The following BLTP3A variants were observed in gnomAD, a reference collection of about 807,000 sequenced individuals.
BLTP3A encodes bridge-like lipid transfer protein family member 3A, also known as ICBP90 binding protein 1.
At chr6:34,876,464 T>C in the BLTP3A span, 1 of 152,222 alleles carries the variant, frequency 6.6e-6, no homozygotes, top group Non-Finnish European at 1.5e-5. Flanking sequence ...GTTTGAAATA[T>C]TGCCATAGTA....
chr6:34,823,830 C>T, the BLTP3A span, among the ~76,000 whole-genome samples: 1 of 151,804 alleles, frequency 6.6e-6, no homozygotes, highest in Non-Finnish European at 1.5e-5. Context: ...ACCACCATGC[C>T]CAACGTTGTC....
the BLTP3A span, chr6:34,877,106 AT>A: frequency 7.9e-5 from 12 of 152,794 alleles, no homozygotes; most frequent in African/African-American, 2.2e-4. Context: ...TGTCTTCTCC[AT>A]TGGCTAAGTA....
At chr6:34,819,610 T>G in the BLTP3A span, among the ~76,000 whole-genome samples, 1 of 152,188 alleles carries the variant, frequency 6.6e-6, no homozygotes, top group Non-Finnish European at 1.5e-5. Context: ...CCTAAGACAC[T>G]GTCATATGAT....
At chr6:34,872,741 T>C in the BLTP3A span, 3 of 196,962 alleles carry the variant, frequency 1.5e-5, no homozygotes, top group African/African-American at 6.9e-5. Context: ...TTCTCAACAC[T>C]GTAGGGCCAT....
the BLTP3A span, among the ~76,000 whole-genome samples, chr6:34,833,404 ATTGAAGATTTTTTTTTTTT>A: frequency 3.1e-5 from 4 of 129,508 alleles, no homozygotes; most frequent in Non-Finnish European, 6.3e-5. Flanking sequence ...ATGCTCCATC[ATTGAAGATTTTTTTTTTTT>A]TTGACACCAG....
the BLTP3A span, among the ~76,000 whole-genome samples, chr6:34,794,172 A>C: frequency 6.7e-6 from 1 of 149,444 alleles, no homozygotes; most frequent in Admixed American, 6.7e-5. Context: ...AAAAAAAAGT[A>C]TATTTTAAGA....
chr6:34,873,819 T>C, the BLTP3A span: 1 of 152,534 alleles, frequency 6.6e-6, no homozygotes, highest in Non-Finnish European at 1.5e-5. Context: ...TCTAGTTTGA[T>C]GAGGATAAAA....
the BLTP3A span, chr6:34,834,153 A>G: frequency 2.7e-6 from 4 of 1,485,816 alleles, no homozygotes; most frequent in East Asian, 4.8e-5. Flanking sequence ...TTAAACATCT[A>G]ATATGAAGAC....
At chr6:34,798,594 C>CTTTTCTT in the BLTP3A span, among the ~76,000 whole-genome samples, 2 of 94,500 alleles carry the variant, frequency 2.1e-5, no homozygotes, top group Non-Finnish European at 4.0e-5. Flanking sequence ...TTCTTTCTTT[C>CTTTTCTT]TTTTTTTTTT....
chr6:34,822,701 CA>C, the BLTP3A span, among the ~76,000 whole-genome samples: 1 of 151,842 alleles, frequency 6.6e-6, no homozygotes, highest in Admixed American at 6.6e-5. Flanking sequence ...ACTAAAAATA[CA>C]AAAAATTAGC....
the BLTP3A span, among the ~76,000 whole-genome samples, chr6:34,845,811 A>G: frequency 4.0e-5 from 6 of 151,722 alleles, no homozygotes; most frequent in Non-Finnish European, 8.8e-5. Context: ...GTTAGCCAGG[A>G]TGGTCTCGAT....
chr6:34,870,294 C>T, the BLTP3A span, among the ~76,000 whole-genome samples: 3 of 152,282 alleles, frequency 2.0e-5, no homozygotes. Context: ...AGGGTAGGCA[C>T]AACTTCACCT....
the BLTP3A span, among the ~76,000 whole-genome samples, chr6:34,811,661 C>T: frequency 2.5e-4 from 36 of 146,598 alleles, no homozygotes; most frequent in African/African-American, 9.1e-4. Flanking sequence ...ACCAGCCTGG[C>T]TAACATGGTG....
chr6:34,794,275 G>A, the BLTP3A span, among the ~76,000 whole-genome samples: 3 of 152,202 alleles, frequency 2.0e-5, no homozygotes, highest in East Asian at 3.9e-4. Context: ...TTCACATTGC[G>A]TGCCTATATC....
chr6:34,857,809 C>T, the BLTP3A span: 6 of 1,614,086 alleles, frequency 3.7e-6, no homozygotes, highest in Non-Finnish European at 5.1e-6. Context: ...ACCTCTTTTG[C>T]CTGGATTTAT....
At chr6:34,848,600 G>A in the BLTP3A span, among the ~76,000 whole-genome samples, 4 of 140,208 alleles carry the variant, frequency 2.9e-5, no homozygotes, top group Non-Finnish European at 6.2e-5. Flanking sequence ...AGTGAGACTT[G>A]GTCTCAAAAA....
chr6:34,857,911 G>A, the BLTP3A span: 3 of 1,612,636 alleles, frequency 1.9e-6, no homozygotes, highest in Non-Finnish European at 1.7e-6. Context: ...ATGCATTCTG[G>A]TTGAAGGTGA....
At chr6:34,859,425 C>T in the BLTP3A span, 2 of 1,614,192 alleles carry the variant, frequency 1.2e-6, no homozygotes, top group East Asian at 2.2e-5. Context: ...GTGCTATTCA[C>T]ATGACCAAGG....
the BLTP3A span, chr6:34,792,113 C>G: frequency 1.2e-5 from 7 of 591,220 alleles, no homozygotes; most frequent in African/African-American, 3.6e-4. Flanking sequence ...CAAAGAGGGG[C>G]GAGAAAGCGC....
Sources: gnomAD v4.1 joint callset for allele counts (sites outside exome capture counted in the v4.1 genomes callset) on GRCh38, gnomAD v4.1.1 for gene constraint, MANE v1.5 for transcripts, NCBI Gene and HGNC (gene_info 2026-07-23, HGNC 2026-07-21) for gene names.